Variants in PPP4R3B observed in about 807,000 individuals in gnomAD.
PPP4R3B encodes the protein protein phosphatase 4 regulatory subunit 3B.
Under a neutral mutation model 95.4 loss-of-function variants are expected in PPP4R3B, and 52 were observed. That is an observed-to-expected ratio of 0.54 (90% confidence interval 0.44 to 0.69). The LOEUF (loss-of-function observed/expected upper bound fraction) is 0.69. Among genes scored for constraint, PPP4R3B ranks in the 30% least tolerant of loss-of-function variants. The pLI, the probability that PPP4R3B is intolerant of heterozygous loss-of-function variation, is 0.00. For missense variants in PPP4R3B, 1,003 were observed against 1,005.9 expected (o/e 1.00, Z 0.04); for synonymous variants, 407 against 343.9 (o/e 1.18, Z -2.03).
Position 55,573,697 on chromosome 2 carries a change from TTA to T in PPP4R3B, c.1685_1686del (p.Ile562LysfsTer39). The T allele has an allele frequency of 6.5e-7, 1 of 1,546,786 alleles. No homozygotes were observed. The highest frequency in any genetic ancestry group is 1.2e-5 in the South Asian group (1 of 82,508). On this transcript the variant is annotated frameshift_variant, in exon 12 of 17. Coordinates refer to ENST00000616407, the MANE Select transcript of PPP4R3B (RefSeq NM_001122964.3). LOFTEE classifies it high-confidence loss of function. Reference protein sequence around the residue: ...TFCVEHHTYHIKNYIMNKDLL... With the variant: ...TFCVEHHTYHXKNYIMNKDLL... ...AAGTCCTTGTTCATAATATAGTTTT[TTA>T]TGTGATATGTGTGATGTTCCACACA... is the stretch of plus-strand genomic sequence containing the variant.
chr2:55,603,004 G>A (rs1453642941), intron 3 of PPP4R3B, among the ~76,000 whole-genome samples: 1 of 151,484 alleles, frequency 6.6e-6, no homozygotes, highest in East Asian at 1.9e-4. Flanking sequence ...ACCCAGACTG[G>A]AGTGTAGTGG....
intron 4 of PPP4R3B, among the ~76,000 whole-genome samples, chr2:55,590,067 C>A (rs144752748): frequency 1.3e-5 from 2 of 149,368 alleles, no homozygotes; most frequent in Non-Finnish European, 3.0e-5. Context: ...GTGGCTCATG[C>A]GTGTAATCCC....
At chr2:55,614,707 T>C (rs1694660066) in intron 2 of PPP4R3B, 1 of 152,200 alleles carries the variant, frequency 6.6e-6, no homozygotes, top group Admixed American at 6.5e-5. Flanking sequence ...TGTTCAATAT[T>C]ACAAAAATAT....
intron 2 of PPP4R3B, among the ~76,000 whole-genome samples, chr2:55,613,963 T>G (rs753429633): frequency 1.4e-4 from 21 of 152,288 alleles, no homozygotes; most frequent in Non-Finnish European, 2.4e-4. Flanking sequence ...AATGTCTACC[T>G]TACAATGTCT....
At chr2:55,579,366 C>CG (rs1689128932) in intron 9 of PPP4R3B, among the ~76,000 whole-genome samples, 1 of 150,984 alleles carries the variant, frequency 6.6e-6, no homozygotes, top group Non-Finnish European at 1.5e-5. Context: ...TAAGTGTCTA[C>CG]ATATCAATTC....
At chr2:55,570,310 T>C (rs1300560516) in intron 12 of PPP4R3B, among the ~76,000 whole-genome samples, 6 of 152,188 alleles carry the variant, frequency 3.9e-5, no homozygotes, top group Admixed American at 2.6e-4. Context: ...CATTCTCTTA[T>C]GTACCAATTG....
In PPP4R3B at chr2:55,588,974, T is replaced by C; in HGVS notation, c.922-18A>G. 6.8e-7 allele frequency: 1 copy of C among 1,478,588 alleles called. No individual in the cohort carries two copies. The highest frequency in any genetic ancestry group is 9.4e-7 in the Non-Finnish European group (1 of 1,064,866). 91.6% of individuals were successfully genotyped at this position (1,478,588 alleles called of 1,614,324 possible). ...TCATCTTCCTGCATGAGAAAAATAA[T>C]TACTATGAAATATTAACAAAAGAAT... On this transcript the variant is annotated intron_variant, in intron 4 of 16. Coordinates refer to ENST00000616407, the MANE Select transcript of PPP4R3B (RefSeq NM_001122964.3).
At chr2:55,586,097 T>A (rs987717058) in intron 6 of PPP4R3B, among the ~76,000 whole-genome samples, 3 of 152,204 alleles carry the variant, frequency 2.0e-5, no homozygotes, top group Non-Finnish European at 4.4e-5. Context: ...TTATTTTTCA[T>A]AAAAGTTATA....
At chr2:55,596,121 A>T (rs1326445346) in intron 4 of PPP4R3B, among the ~76,000 whole-genome samples, 1 of 152,224 alleles carries the variant, frequency 6.6e-6, no homozygotes, top group African/African-American at 2.4e-5. Context: ...CAATAATAAC[A>T]GTATCTCTCA....
At chr2:55,562,519 G>T (rs13015744) in intron 15 of PPP4R3B, among the ~76,000 whole-genome samples, 52 of 152,092 alleles carry the variant, frequency 3.4e-4, no homozygotes, top group Middle Eastern at 3.4e-3. Flanking sequence ...CTTTCCTTTC[G>T]CCTTCGACCA....
Position 55,578,137 on chromosome 2 carries a change from G to C in PPP4R3B, c.1564+110C>G, listed in dbSNP as rs545196212. The stretch of plus-strand genomic sequence containing the variant: ...AAAAAATATGCAGAATAATATGTAT[G>C]ACAGACATTAAATTTATAGCAACTT... On this transcript the variant is annotated intron_variant, in intron 10 of 16. Transcript: ENST00000616407. The C allele has an allele frequency of 2.9e-5, 32 of 1,097,196 alleles. No homozygotes were observed. In the South Asian group the frequency reaches 1.3e-3, roughly 44 times the overall value. 68.0% of individuals were successfully genotyped at this position (1,097,196 alleles called of 1,614,324 possible).
In PPP4R3B at chr2:55,585,134, T is replaced by C; in HGVS notation, c.1150A>G (p.Thr384Ala). The C allele has an allele frequency of 6.2e-7, 1 of 1,610,814 alleles. No individual in the cohort carries two copies. The change falls in exon 7 of 17, where the codon ACA becomes GCA. Residue 384 changes from threonine (T) to alanine (A), a missense_variant. Physicochemically the swap from Thr to Ala is moderately conservative, Grantham distance 58 (BLOSUM62 0). Transcript: ENST00000616407. Reference sequence around the variant, plus strand: ...TCTACTAGATAAGAAAATATATCTGTAGCAGCTGATCTGACTTGCAAATCA... The same window carrying C: ...TCTACTAGATAAGAAAATATATCTGCAGCAGCTGATCTGACTTGCAAATCA... Reference protein sequence around the residue: ...MDDLQVRSAATDIFSYLVEFS... With the variant: ...MDDLQVRSAAADIFSYLVEFS...
At chr2:55,560,318 T>C (rs559211380) in intron 15 of PPP4R3B, among the ~76,000 whole-genome samples, 2 of 152,280 alleles carry the variant, frequency 1.3e-5, no homozygotes, top group Admixed American at 1.3e-4. Flanking sequence ...AGGTCTCAGA[T>C]GGAGGTGAGG....
Position 55,617,361 on chromosome 2 carries a change from G to A in PPP4R3B, c.-76C>T, listed in dbSNP as rs939726992. ...CCGCGCTCCTCACTCTTAGGAGACGGTAAAGGCAGTAGTGGCGGTGGCGGC... is the reference window on the plus strand; with the variant it reads ...CCGCGCTCCTCACTCTTAGGAGACGATAAAGGCAGTAGTGGCGGTGGCGGC... On this transcript the variant is annotated 5_prime_UTR_variant, in exon 1 of 17. Coordinates refer to ENST00000616407, the MANE Select transcript of PPP4R3B (RefSeq NM_001122964.3). 16 of 1,418,906 alleles carry A rather than the reference G, an allele frequency of 1.1e-5. No individual in the cohort carries two copies. The highest frequency in any genetic ancestry group is 1.5e-5 in the African/African-American group (1 of 68,872). 87.9% of individuals were successfully genotyped at this position (1,418,906 alleles called of 1,614,324 possible).
intron 4 of PPP4R3B, 58 bp downstream of exon 4, chr2:55,598,358 C>A: frequency 1.3e-6 from 2 of 1,535,848 alleles, no homozygotes; most frequent in South Asian, 1.2e-5. Flanking sequence ...CCTGCTTGAA[C>A]TATTAAGGGA....
intron 16 of PPP4R3B, among the ~76,000 whole-genome samples, chr2:55,557,026 G>A (rs1558939297): frequency 6.6e-6 from 1 of 152,146 alleles, no homozygotes; most frequent in Non-Finnish European, 1.5e-5. Flanking sequence ...TCACACCACT[G>A]CACTCCAGGC....
chr2:55,560,181 T>C (rs1686401943), intron 15 of PPP4R3B, among the ~76,000 whole-genome samples: 1 of 152,114 alleles, frequency 6.6e-6, no homozygotes, highest in South Asian at 2.1e-4. Context: ...AGACAGAGGT[T>C]GGAACAATTT....
intron 4 of PPP4R3B, among the ~76,000 whole-genome samples, chr2:55,594,927 T>C (rs1024307610): frequency 4.6e-5 from 7 of 151,730 alleles, no homozygotes; most frequent in Non-Finnish European, 8.8e-5. Flanking sequence ...TAAACAATAA[T>C]AGGTGACTAC....
chr2:55,611,813 C>T (rs950209454), intron 2 of PPP4R3B, among the ~76,000 whole-genome samples: 2 of 152,040 alleles, frequency 1.3e-5, no homozygotes, highest in African/African-American at 2.4e-5. Context: ...ACTACAGTCT[C>T]GACCTCCGAA....
Sources: allele counts gnomAD v4.1 joint callset (sites outside exome capture counted in the v4.1 genomes callset), GRCh38; gene constraint gnomAD v4.1.1; transcripts MANE v1.5; gene names NCBI Gene and HGNC (gene_info 2026-07-23, HGNC 2026-07-21).